POLR3G: variants seen among roughly 807,000 people sequenced by gnomAD.
POLR3G encodes the protein RNA polymerase III subunit G.
In POLR3G, 28 loss-of-function variants were observed where a neutral mutation model predicts 30.1. The ratio of observed to expected loss-of-function variants is 0.93; its 90% CI spans 0.69 to 1.27. POLR3G has a LOEUF of 1.27. Ranked by LOEUF, POLR3G falls within the 50% of genes most tolerant of loss-of-function variation. The pLI, the probability that POLR3G is intolerant of heterozygous loss-of-function variation, is 0.00. For missense variants in POLR3G, 254 were observed against 264.6 expected, an observed-to-expected ratio of 0.96 and a Z score of 0.28; for synonymous variants, 79 against 82.5, an observed-to-expected ratio of 0.96 and a Z score of 0.23.
intron 2 of POLR3G, among the ~76,000 whole-genome samples, chr5:90,487,159 C>A (rs1751479003): frequency 6.6e-6 from 1 of 152,076 alleles, no homozygotes; most frequent in African/African-American, 2.4e-5. Context: ...AATTTCTTCA[C>A]TGTAAAAGGA....
intron 1 of POLR3G, among the ~76,000 whole-genome samples, chr5:90,475,250 G>C (rs1358485899): frequency 6.6e-6 from 1 of 152,110 alleles, no homozygotes; most frequent in Non-Finnish European, 1.5e-5. Flanking sequence ...AGGACTGTTT[G>C]CAGTGAGTTA....
intron 6 of POLR3G, among the ~76,000 whole-genome samples, chr5:90,504,086 T>G (rs1752374468): frequency 6.6e-6 from 1 of 152,190 alleles, no homozygotes; most frequent in Non-Finnish European, 1.5e-5. Flanking sequence ...TATGTGGCTT[T>G]GAGATCAATT....
At chr5:90,487,492 C>T (rs1751503927) in intron 2 of POLR3G, among the ~76,000 whole-genome samples, 1 of 145,064 alleles carries the variant, frequency 6.9e-6, no homozygotes, top group Admixed American at 7.1e-5. Flanking sequence ...CCCGGGTTCA[C>T]ACCATTCTCC....
At position 90,488,107 on chromosome 5, in the gene POLR3G, T is replaced by G. The variant is rs779857623; in HGVS notation, c.225T>G (p.Ile75Met). Residue 75 changes from isoleucine (I) to methionine (M), a missense_variant, in exon 3 of 8, where the codon ATT (isoleucine) becomes ATG (methionine). Physicochemically the swap from Ile to Met is conservative, Grantham distance 10 (BLOSUM62 1). Transcript: ENST00000651687. ...CAATGAAAAGAATGCCTTATTTTAT[T>G]GAAACACCTGAAGAAAGACAAGGTA... The part of the protein sequence containing the change: ...RETMKRMPYF[I>M]ETPEERQDIE... 7 of 1,610,704 alleles carry G rather than the reference T, an allele frequency of 4.3e-6. No individual in the cohort carries two copies. The highest frequency in any genetic ancestry group is 5.9e-6 in the Non-Finnish European group (7 of 1,178,642).
At chr5:90,495,576 T>TA in intron 3 of POLR3G, 101 bp from the exon 4 acceptor site, 1 of 1,485,034 alleles carries the variant, frequency 6.7e-7, no homozygotes, top group South Asian at 1.3e-5. Context: ...TATGTAAAAT[T>TA]AAAAATGTTG....
chr5:90,486,522 C>T (rs1215196694), intron 2 of POLR3G, among the ~76,000 whole-genome samples: 3 of 152,190 alleles, frequency 2.0e-5, no homozygotes, highest in Non-Finnish European at 4.4e-5. Context: ...CTTTTTCTAC[C>T]ACTGTCCTCA....
chr5:90,485,698 C>A lies in POLR3G; in HGVS notation c.117+14C>A. 6.5e-7 allele frequency: 1 copy of A among 1,548,234 alleles called. No homozygotes were observed. Among genetic ancestry groups the A allele is most frequent in the South Asian group, 1.1e-5 (1 of 88,158 alleles). ...CCACTATTTCCTGTAAGTATATGAACAGTTGAATTCTCATAGTGTGTTTTT... is the reference window on the plus strand; with the variant it reads ...CCACTATTTCCTGTAAGTATATGAAAAGTTGAATTCTCATAGTGTGTTTTT... On this transcript the variant is annotated intron_variant, in intron 2 of 7. Coordinates refer to ENST00000651687, the MANE Select transcript of POLR3G (RefSeq NM_006467.3).
Position 90,512,218 on chromosome 5 carries a change from A to C in POLR3G, c.*79A>C. 1.1e-6 allele frequency: 1 copy of C among 900,650 alleles called. No individual in the cohort carries two copies. The allele number at this position is 900,650 out of a possible 1,614,324, so 55.8% of individuals were successfully genotyped here. A position where few individuals can be genotyped will look rare whatever the true frequency, so the allele number is the denominator to read the frequency against. ...AGACTTGATTTGTATTTTATTTCTG[A>C]TAAGGAATAAGTACTTGTTTCTGTT... is the stretch of plus-strand genomic sequence containing the variant. On this transcript the variant is annotated 3_prime_UTR_variant, in exon 8 of 8. Coordinates refer to ENST00000651687, the MANE Select transcript of POLR3G (RefSeq NM_006467.3).
At chr5:90,503,452 A>G (rs1752348294) in intron 6 of POLR3G, among the ~76,000 whole-genome samples, 1 of 152,228 alleles carries the variant, frequency 6.6e-6, no homozygotes, top group Non-Finnish European at 1.5e-5. Flanking sequence ...GCCAGTTTGT[A>G]TTGACTGAAC....
Position 90,508,788 on chromosome 5 carries a change from A to G in POLR3G, c.585+2114A>G, listed in dbSNP as rs1237288021. Among the ~76,000 whole-genome samples the G allele has an allele frequency of 3.3e-5, 5 of 152,256 alleles. No homozygotes were observed. The East Asian group carries it at 9.7e-4, about 29-fold the overall frequency. On this transcript the variant is annotated intron_variant, in intron 7 of 7. Transcript: ENST00000651687. ...TTATTAAAATATTATTTCCTGGCCAAGCGCAGTGGCTCACTCTGTAATCCC... is the reference window on the plus strand; with the variant it reads ...TTATTAAAATATTATTTCCTGGCCAGGCGCAGTGGCTCACTCTGTAATCCC...
At chr5:90,500,937 C>T (rs777143951) in intron 5 of POLR3G, among the ~76,000 whole-genome samples, 29 of 152,066 alleles carry the variant, frequency 1.9e-4, no homozygotes, top group Non-Finnish European at 3.2e-4. Context: ...CATATTGCTT[C>T]GGTAACTGAC....
At chr5:90,500,589 TC>T (rs924831670) in intron 5 of POLR3G, among the ~76,000 whole-genome samples, 4 of 152,132 alleles carry the variant, frequency 2.6e-5, no homozygotes, top group Non-Finnish European at 5.9e-5. Flanking sequence ...TATTAAACAG[TC>T]TTTGCCCTCG....
intron 3 of POLR3G, among the ~76,000 whole-genome samples, chr5:90,492,308 A>G (rs1751764314): frequency 6.6e-6 from 1 of 152,210 alleles, no homozygotes; most frequent in Non-Finnish European, 1.5e-5. Flanking sequence ...CTCATCATGT[A>G]ATACTTTGTA....
In POLR3G at chr5:90,497,551, T is replaced by C. The variant is rs1251079532; in HGVS notation, c.305-105T>C. ...TTGTAAAGTCAGATACTAAGGCACT[T>C]TATTGTCATTTTCTGGACAACTGTT... On this transcript the variant is annotated intron_variant, in intron 4 of 7. Coordinates refer to ENST00000651687, the MANE Select transcript of POLR3G (RefSeq NM_006467.3). 4 of 1,351,580 alleles carry C rather than the reference T, an allele frequency of 3.0e-6. No homozygotes were observed. The South Asian group carries it at 6.0e-5, about 20-fold the overall frequency. 83.7% of individuals were successfully genotyped at this position (1,351,580 alleles called of 1,614,324 possible). A position where few individuals can be genotyped will look rare whatever the true frequency, so the allele number is the denominator to read the frequency against.
chr5:90,484,309 C>T (rs1156805743), intron 1 of POLR3G, among the ~76,000 whole-genome samples: 1 of 152,184 alleles, frequency 6.6e-6, no homozygotes, highest in Admixed American at 6.5e-5. Context: ...TCTTTGAGAA[C>T]CATTGCTCTA....
rs1751535791 is a variant in POLR3G at position 90,488,034 on chromosome 5, G to A, written c.152G>A (p.Gly51Glu). Residue 51 changes from glycine (G) to glutamate (E), a missense_variant, in exon 3 of 8, where the codon GGA becomes GAA. Transcript: ENST00000651687. ...TATAAACCAGTGCCACTGAAAACAG[G>A]AGAAGGTGAAGAATATATGCTGGCT... The part of the protein sequence containing the change: ...TDYKPVPLKT[G>E]EGEEYMLALK... 1 of 1,609,866 alleles carries A rather than the reference G, an allele frequency of 6.2e-7. No homozygotes were observed. Among genetic ancestry groups the A allele is most frequent in the African/African-American group, 1.3e-5 (1 of 74,834 alleles).
At position 90,499,619 on chromosome 5, in the gene POLR3G, G is replaced by T. The variant is rs937768125; in HGVS notation, c.355+1913G>T. Among the ~76,000 whole-genome samples the T allele has an allele frequency of 9.9e-5, 15 of 152,092 alleles. 1 individual carries two copies. The highest frequency in any genetic ancestry group is 1.8e-4 in the Non-Finnish European group (12 of 68,020). ...TGAAGAATGAAGAGTGAAAAAGGAAGGTAGTCAGAGAGGTTAAGAACAGTG... is the reference window on the plus strand; with the variant it reads ...TGAAGAATGAAGAGTGAAAAAGGAATGTAGTCAGAGAGGTTAAGAACAGTG... On this transcript the variant is annotated intron_variant, in intron 5 of 7. Transcript: ENST00000651687.
rs373782190 is a variant in POLR3G, at chr5:90,497,745, G to T, written c.355+39G>T. The T allele has an allele frequency of 3.6e-5, 57 of 1,566,534 alleles. 1 individual carries two copies. The Middle Eastern group carries it at 5.1e-4, about 14-fold the overall frequency. On this transcript the variant is annotated intron_variant, in intron 5 of 7. Transcript: ENST00000651687. ...TATAATAGTAATTCAGGTAGGAAAA[G>T]GTTATTTCTTACATTCTGTTAATAT...
In POLR3G at chr5:90,513,732, C is replaced by A. The variant is rs1752838974; in HGVS notation, c.*1593C>A. 6.6e-6 allele frequency: 1 copy of A among 152,072 alleles called. No homozygotes were observed. The highest frequency in any genetic ancestry group is 1.5e-5 in the Non-Finnish European group (1 of 68,010). The allele number at this position is 152,072 out of a possible 1,614,324, so 9.4% of individuals were successfully genotyped here. ...TCTTATTAGTTTAGTGCTGTGTTAA[C>A]CATTTGTGAATTACTTCTTGTTTAA... On this transcript the variant is annotated 3_prime_UTR_variant, in exon 8 of 8. Coordinates refer to ENST00000651687, the MANE Select transcript of POLR3G (RefSeq NM_006467.3).
Sources: gnomAD v4.1 joint callset for allele counts (sites outside exome capture counted in the v4.1 genomes callset) on GRCh38, gnomAD v4.1.1 for gene constraint, MANE v1.5 for transcripts, NCBI Gene and HGNC (gene_info 2026-07-23, HGNC 2026-07-21) for gene names.